The following PIERCE2 variants were observed in gnomAD, a reference collection of about 807,000 sequenced individuals.
The protein encoded by PIERCE2 is piercer of microtubule wall 2.
chr15:55,418,271 G>C, the PIERCE2 span: 1 of 1,553,874 alleles, frequency 6.4e-7, no homozygotes, highest in Admixed American at 2.0e-5. Flanking sequence ...AATGAAATCT[G>C]AACAACTGCC....
chr15:55,412,623 A>G, the PIERCE2 span, among the ~76,000 whole-genome samples: 2 of 152,166 alleles, frequency 1.3e-5, no homozygotes, highest in African/African-American at 4.8e-5. Context: ...ATTGACTGAA[A>G]GCTGGACACT....
chr15:55,418,432 C>A, the PIERCE2 span: 1 of 1,525,034 alleles, frequency 6.6e-7, no homozygotes, highest in Non-Finnish European at 8.8e-7. Context: ...CACAGTTTTT[C>A]CCCTGCAATT....
At chr15:55,413,510 G>A in the PIERCE2 span, among the ~76,000 whole-genome samples, 1 of 152,036 alleles carries the variant, frequency 6.6e-6, no homozygotes, top group African/African-American at 2.4e-5. Context: ...TGTAATCCCA[G>A]CACTTTGGGA....
chr15:55,418,184 C>G, the PIERCE2 span: 23 of 1,560,468 alleles, frequency 1.5e-5, no homozygotes, highest in Non-Finnish European at 1.7e-6. Context: ...TTTTTCAGAA[C>G]TTTATAATGG....
At chr15:55,409,485 T>C in the PIERCE2 span, among the ~76,000 whole-genome samples, 2 of 152,154 alleles carry the variant, frequency 1.3e-5, no homozygotes, top group Non-Finnish European at 2.9e-5. Context: ...GTCCCCTAAT[T>C]GTGGTAAAAG....
the PIERCE2 span, among the ~76,000 whole-genome samples, chr15:55,416,812 T>A: frequency 3.3e-5 from 5 of 151,964 alleles, no homozygotes; most frequent in Non-Finnish European, 7.4e-5. Context: ...TAAAAAAAAA[T>A]TAGCTGGTTG....
the PIERCE2 span, chr15:55,410,722 T>C: frequency 6.6e-6 from 1 of 152,280 alleles, no homozygotes; most frequent in South Asian, 2.1e-4. Context: ...CAACAAAATC[T>C]ACAAGTTGCC....
chr15:55,411,813 C>A, the PIERCE2 span, among the ~76,000 whole-genome samples: 26,987 of 151,930 alleles, frequency 0.18, 4,154 homozygotes, highest in African/African-American at 0.42. Context: ...CACAGCTACT[C>A]GGGAGTCTGA....
chr15:55,412,935 G>A, the PIERCE2 span, among the ~76,000 whole-genome samples: 2 of 152,112 alleles, frequency 1.3e-5, no homozygotes, highest in Non-Finnish European at 2.9e-5. Context: ...TTCAAGACCA[G>A]CCTGGGCAAC....
chr15:55,418,658 A>T, the PIERCE2 span: 66 of 943,292 alleles, frequency 7.0e-5, no homozygotes, highest in African/African-American at 1.1e-3. Context: ...TAAAGAAGAT[A>T]AAAAGTTTTG....
At chr15:55,411,343 A>T in the PIERCE2 span, among the ~76,000 whole-genome samples, 2 of 151,664 alleles carry the variant, frequency 1.3e-5, no homozygotes. Context: ...AGGCACCTGT[A>T]GTCCCAGCTA....
At chr15:55,410,273 T>G in the PIERCE2 span, among the ~76,000 whole-genome samples, 2 of 152,240 alleles carry the variant, frequency 1.3e-5, no homozygotes, top group African/African-American at 4.8e-5. Flanking sequence ...TTTCGTTTTC[T>G]GCATTATGTT....
the PIERCE2 span, chr15:55,418,082 T>C: frequency 6.4e-7 from 1 of 1,569,378 alleles, no homozygotes; most frequent in South Asian, 1.2e-5. Flanking sequence ...ATATGATGGC[T>C]TAGCTTGGGC....
chr15:55,413,064 C>G, the PIERCE2 span, among the ~76,000 whole-genome samples: 13 of 151,688 alleles, frequency 8.6e-5, no homozygotes, highest in Admixed American at 4.6e-4. Context: ...GTCAGGAGAT[C>G]GAGACCATCC....
the PIERCE2 span, among the ~76,000 whole-genome samples, chr15:55,417,439 T>G: frequency 1.3e-5 from 2 of 152,158 alleles, no homozygotes; most frequent in African/African-American, 4.8e-5. Flanking sequence ...TTTTTCTTCA[T>G]AGCAGTTATC....
At chr15:55,409,546 G>A in the PIERCE2 span, among the ~76,000 whole-genome samples, 1 of 152,164 alleles carries the variant, frequency 6.6e-6, no homozygotes. Flanking sequence ...TAGCAAGGAA[G>A]ACGGTGGACC....
the PIERCE2 span, among the ~76,000 whole-genome samples, chr15:55,416,330 G>C: frequency 6.6e-6 from 1 of 151,990 alleles, no homozygotes; most frequent in African/African-American, 2.4e-5. Flanking sequence ...TCAATCTCTT[G>C]ACCTCGTGAT....
the PIERCE2 span, among the ~76,000 whole-genome samples, chr15:55,409,854 T>G: frequency 2.0e-5 from 3 of 152,374 alleles, no homozygotes; most frequent in Non-Finnish European, 2.9e-5. Context: ...TCAAGCCACT[T>G]TCACAGGCCA....
the PIERCE2 span, among the ~76,000 whole-genome samples, chr15:55,412,109 A>AAAAG: frequency 6.6e-5 from 10 of 151,616 alleles, no homozygotes; most frequent in Middle Eastern, 3.2e-3. Flanking sequence ...AAAAAAAAAA[A>AAAAG]AAAAAAAAAT....
Sources: allele counts gnomAD v4.1 joint callset (sites outside exome capture counted in the v4.1 genomes callset), GRCh38; gene constraint gnomAD v4.1.1; transcripts MANE v1.5; gene names NCBI Gene and HGNC (gene_info 2026-07-23, HGNC 2026-07-21).